The following NTM variants were observed in gnomAD, a reference collection of about 807,000 sequenced individuals.
The protein encoded by NTM is neurotrimin, also known as IgLON family member 2.
Under a neutral mutation model 42.1 loss-of-function variants are expected in NTM, and 13 were observed. That is an observed-to-expected ratio of 0.31 (90% CI 0.20 to 0.49). The LOEUF (loss-of-function observed/expected upper bound fraction) is 0.49, where lower values mean the gene tolerates loss of function less well. Among genes scored for constraint, NTM ranks in the 20% least tolerant of loss-of-function variants. NTM has a pLI of 0.99. For synonymous variants in NTM, 187 were observed against 179.2 expected, an observed-to-expected ratio of 1.04 and a Z score of -0.35; for missense variants, 373 against 452.8, an observed-to-expected ratio of 0.82 and a Z score of 1.60.
intron 1 of NTM, among the ~76,000 whole-genome samples, chr11:131,604,643 G>GTT (rs5795733): frequency 6.8e-5 from 9 of 132,984 alleles, no homozygotes; most frequent in African/African-American, 2.4e-4. Context: ...CTTCTAAAAG[G>GTT]TTTTTTTTTT....
chr11:131,440,848 A>G (rs960805396), intron 1 of NTM, among the ~76,000 whole-genome samples: 23 of 118,022 alleles, frequency 1.9e-4, no homozygotes, highest in African/African-American at 6.6e-4. Context: ...AAAAAAAAAA[A>G]AAAAAAAAAA....
intron 3 of NTM, among the ~76,000 whole-genome samples, chr11:132,161,060 G>C (rs951935136): frequency 1.3e-5 from 2 of 152,172 alleles, no homozygotes; most frequent in African/African-American, 4.8e-5. Context: ...GGGTATCTGG[G>C]AGCAATGCAG....
intron 3 of NTM, among the ~76,000 whole-genome samples, chr11:132,202,206 G>A (rs1188344302): frequency 6.6e-6 from 1 of 152,160 alleles, no homozygotes; most frequent in Non-Finnish European, 1.5e-5. Flanking sequence ...TGGGTTACTT[G>A]TGTAACCTCT....
At chr11:131,739,466 A>G (rs2080898459) in intron 1 of NTM, among the ~76,000 whole-genome samples, 1 of 152,228 alleles carries the variant, frequency 6.6e-6, no homozygotes, top group Non-Finnish European at 1.5e-5. Flanking sequence ...CAATTCCAGC[A>G]TAGTGAGAAA....
chr11:131,416,732 G>C lies in NTM; in HGVS notation c.82+45844G>C, dbSNP rs113997971. 4.9e-3 allele frequency among the ~76,000 whole-genome samples: 743 copies of C among 152,224 alleles called. 6 individuals carry two copies. Among genetic ancestry groups the C allele is most frequent in the African/African-American group, 0.017 (696 of 41,534 alleles). ...CAAACTTGAACTTTTAAAATAACTT[G>C]ATTTAAAAATCAAAGGAACAGATTT... On this transcript the variant is annotated intron_variant, in intron 1 of 8. Transcript: ENST00000683400.
chr11:131,398,539 C>T (rs117761182), intron 1 of NTM, among the ~76,000 whole-genome samples: 2,022 of 152,208 alleles, frequency 0.013, 14 homozygotes, highest in Middle Eastern at 0.044. Flanking sequence ...TAGTGAGCAT[C>T]GTTTTAATTG....
chr11:132,268,017 G>A (rs1259570969), intron 4 of NTM, among the ~76,000 whole-genome samples: 1 of 151,964 alleles, frequency 6.6e-6, no homozygotes, highest in African/African-American at 2.4e-5. Context: ...TTCCTGTTAG[G>A]GACAGGCTCT....
chr11:132,243,103 CT>C, intron 4 of NTM, among the ~76,000 whole-genome samples: 1 of 152,306 alleles, frequency 6.6e-6, no homozygotes, highest in East Asian at 1.9e-4. Flanking sequence ...CTAACAGCTT[CT>C]AATTTAGGGA....
At chr11:132,008,726 C>A (rs2071393823) in intron 2 of NTM, among the ~76,000 whole-genome samples, 1 of 152,054 alleles carries the variant, frequency 6.6e-6, no homozygotes, top group Non-Finnish European at 1.5e-5. Context: ...TTTTCAATGA[C>A]TCCATGGTTT....
chr11:131,688,805 C>G (rs756502624), intron 1 of NTM, among the ~76,000 whole-genome samples: 3 of 152,200 alleles, frequency 2.0e-5, no homozygotes, highest in African/African-American at 7.2e-5. Context: ...CATTTTGAAA[C>G]AGAAACTAGG....
intron 7 of NTM, among the ~76,000 whole-genome samples, chr11:132,320,521 G>T (rs2095538154): frequency 6.6e-6 from 1 of 152,216 alleles, no homozygotes; most frequent in Non-Finnish European, 1.5e-5. Context: ...GGCTCGGAGG[G>T]TCCTACCCCA....
intron 2 of NTM, among the ~76,000 whole-genome samples, chr11:132,145,847 C>T (rs1259701676): frequency 6.6e-6 from 1 of 152,122 alleles, no homozygotes; most frequent in Admixed American, 6.5e-5. Flanking sequence ...TTTCTCTGCT[C>T]TTCTAGGCTT....
At chr11:132,212,834 T>C (rs906898622) in intron 4 of NTM, among the ~76,000 whole-genome samples, 1 of 152,148 alleles carries the variant, frequency 6.6e-6, no homozygotes. Context: ...AATATTTCAT[T>C]CTTAAATATT....
chr11:131,601,392 A>G (rs1019696785), intron 1 of NTM, among the ~76,000 whole-genome samples: 1 of 152,176 alleles, frequency 6.6e-6, no homozygotes, highest in African/African-American at 2.4e-5. Context: ...TAATGAACAA[A>G]ACCTCTTTGG....
intron 1 of NTM, among the ~76,000 whole-genome samples, chr11:131,773,777 C>A (rs531550517): frequency 6.6e-6 from 1 of 152,280 alleles, no homozygotes; most frequent in East Asian, 1.9e-4. Flanking sequence ...ATGTCTTTAT[C>A]CAGGAGTGGT....
intron 1 of NTM, among the ~76,000 whole-genome samples, chr11:131,483,988 C>T (rs1953893760): frequency 1.3e-5 from 2 of 152,200 alleles, no homozygotes; most frequent in African/African-American, 4.8e-5. Context: ...ATCTCACTGG[C>T]TGAACACAAA....
At chr11:131,824,379 GA>G (rs1169422797) in intron 1 of NTM, among the ~76,000 whole-genome samples, 1 of 152,172 alleles carries the variant, frequency 6.6e-6, no homozygotes, top group Non-Finnish European at 1.5e-5. Context: ...CTGGCTTTGG[GA>G]ACATTAGGCT....
intron 1 of NTM, among the ~76,000 whole-genome samples, chr11:131,428,777 A>G (rs1948399187): frequency 1.3e-5 from 2 of 151,590 alleles, no homozygotes; most frequent in South Asian, 4.2e-4. Context: ...GCTCACGCCT[A>G]TAATCCCAGC....
intron 4 of NTM, among the ~76,000 whole-genome samples, chr11:132,267,450 C>T (rs561756063): frequency 4.0e-5 from 6 of 151,162 alleles, no homozygotes; most frequent in Middle Eastern, 3.2e-3. Context: ...CAAATCCACA[C>T]GCAAGCCCTT....
Sources: allele counts gnomAD v4.1 joint callset (sites outside exome capture counted in the v4.1 genomes callset), GRCh38; gene constraint gnomAD v4.1.1; transcripts MANE v1.5; gene names NCBI Gene and HGNC (gene_info 2026-07-23, HGNC 2026-07-21).